COQ8A: variants seen among roughly 807,000 people sequenced by gnomAD.
COQ8A encodes the protein atypical kinase COQ8A, mitochondrial.
Under a neutral mutation model 65.0 loss-of-function variants are expected in COQ8A, and 51 were observed. The ratio of observed to expected loss-of-function variants is 0.78; its 90% confidence interval spans 0.63 to 0.99. The LOEUF is 0.99. Ranked by LOEUF, COQ8A falls within the 50% of genes least tolerant of loss-of-function variation. The pLI, the probability that COQ8A is intolerant of heterozygous loss-of-function variation, is 0.00. For synonymous variants in COQ8A, 371 were observed against 353.2 expected (o/e 1.05, Z -0.57); for missense variants, 940 against 875.0 (o/e 1.07, Z -0.94).
rs116517333 is a variant in COQ8A at position 226,977,804 on chromosome 1, T to C, written c.730+281T>C. Among the ~76,000 whole-genome samples the C allele has an allele frequency of 0.02, 3,081 of 151,826 alleles. 115 individuals are homozygous for C. Among genetic ancestry groups the C allele is most frequent in the African/African-American group, 0.071 (2,925 of 41,332 alleles). ...CACATCCACACGCCTTCTGCACACC[T>C]GGACACCTTACACACCCCCTGCACA... is the stretch of plus-strand genomic sequence containing the variant. On this transcript the variant is annotated intron_variant, in intron 5 of 14. Coordinates refer to ENST00000366777, the MANE Select transcript of COQ8A (RefSeq NM_020247.5).
chr1:226,983,049 G>A lies in COQ8A; in HGVS notation c.1080+15G>A. The A allele has an allele frequency of 1.3e-6, 2 of 1,574,408 alleles. No individual in the cohort carries two copies. Among genetic ancestry groups the A allele is most frequent in the Non-Finnish European group, 8.6e-7 (1 of 1,161,360 alleles). On this transcript the variant is annotated intron_variant, in intron 8 of 14. Coordinates refer to ENST00000366777, the MANE Select transcript of COQ8A (RefSeq NM_020247.5). ...TGAAGATCCAGGTAGGCGGCCTGAT[G>A]CGCAGTGCCTGTCCCTATGGGGGCT...
chr1:226,977,266 G>A, intron 4 of COQ8A, 183 bp from the exon 5 acceptor site: 1 of 598,592 alleles, frequency 1.7e-6, no homozygotes, highest in Admixed American at 2.8e-5. Flanking sequence ...CGAGCCAAAT[G>A]TTCTCTTAAA....
intron 2 of COQ8A, among the ~76,000 whole-genome samples, chr1:226,962,151 C>T (rs1658293672): frequency 6.6e-6 from 1 of 152,214 alleles, no homozygotes; most frequent in Non-Finnish European, 1.5e-5. Context: ...CCTGCTGAGC[C>T]TCCGCCAAGG....
At chr1:226,962,267 C>A (rs2148053911) in intron 2 of COQ8A, among the ~76,000 whole-genome samples, 1 of 152,208 alleles carries the variant, frequency 6.6e-6, no homozygotes, top group East Asian at 1.9e-4. Context: ...AGAACAGCTT[C>A]ATCTCCAGCC....
rs1410020011 is a variant in COQ8A at position 226,987,232 on chromosome 1, A to G, written c.*495A>G. ...CTGGAGCTGGGAGAGGTGCTGAGCTAACAGTGCCAACAAGTGCTCCTTAAG... is the reference window on the plus strand; with the variant it reads ...CTGGAGCTGGGAGAGGTGCTGAGCTGACAGTGCCAACAAGTGCTCCTTAAG... On this transcript the variant is annotated 3_prime_UTR_variant, in exon 15 of 15. Transcript: ENST00000366777. The G allele has an allele frequency of 1.1e-5, 2 of 179,060 alleles. No homozygotes were observed. The highest frequency in any genetic ancestry group is 4.8e-5 in the African/African-American group (2 of 41,886). 11.1% of individuals were successfully genotyped at this position (179,060 alleles called of 1,614,324 possible).
chr1:226,984,994 G>T, intron 13 of COQ8A, 53 bp downstream of exon 13: 1 of 1,595,134 alleles, frequency 6.3e-7, no homozygotes, highest in East Asian at 2.2e-5. Flanking sequence ...GGCTGGGACA[G>T]GATGCTGGGG....
At position 226,986,899 on chromosome 1, in the gene COQ8A, C is replaced by G; in HGVS notation, c.*162C>G. 1.2e-6 allele frequency: 1 copy of G among 861,302 alleles called. No homozygotes were observed. Among genetic ancestry groups the G allele is most frequent in the Non-Finnish European group, 1.8e-6 (1 of 557,468 alleles). 53.4% of individuals were successfully genotyped at this position (861,302 alleles called of 1,614,324 possible). ...CCAGCGCTTTCCACGGTTTCTGTTG[C>G]TAAATGGTTGTAGGGTGAGAAGTGC... is the stretch of plus-strand genomic sequence containing the variant. On this transcript the variant is annotated 3_prime_UTR_variant, in exon 15 of 15. Transcript: ENST00000366777.
At chr1:226,964,641 C>T (rs1401052290) in intron 2 of COQ8A, among the ~76,000 whole-genome samples, 2 of 152,138 alleles carry the variant, frequency 1.3e-5, no homozygotes, top group African/African-American at 4.8e-5. Flanking sequence ...CTTTCCCTGT[C>T]TTTTGCGCCC....
chr1:226,970,115 G>C (rs1340903398), intron 4 of COQ8A, among the ~76,000 whole-genome samples: 1 of 152,152 alleles, frequency 6.6e-6, no homozygotes, highest in Non-Finnish European at 1.5e-5. Flanking sequence ...GCCATGCCCG[G>C]CTAATTTTTG....
At chr1:226,968,010 A>T (rs1658664746) in intron 4 of COQ8A, among the ~76,000 whole-genome samples, 1 of 151,034 alleles carries the variant, frequency 6.6e-6, no homozygotes, top group Admixed American at 6.6e-5. Context: ...GTAGGTTATG[A>T]CCCTTTAGTA....
At position 226,983,599 on chromosome 1, in the gene COQ8A, G is replaced by A; in HGVS notation, c.1128G>A (p.Met376Ile). ...TCAACAGTGATGTCAACAACCTCAT[G>A]GCCGTGTTGAACATGAGCAACATGC... ...QSINSDVNNL[M>I]AVLNMSNMLP... The change falls in exon 9 of 15, where the codon ATG becomes ATA. Residue 376 changes from methionine to isoleucine, a missense_variant. By Grantham distance (10) the Met-to-Ile change is conservative (BLOSUM62 1). Transcript: ENST00000366777. 7 of 1,614,004 alleles carry A rather than the reference G, an allele frequency of 4.3e-6. No individual in the cohort carries two copies. The highest frequency in any genetic ancestry group is 5.9e-6 in the Non-Finnish European group (7 of 1,180,014).
intron 1 of COQ8A, among the ~76,000 whole-genome samples, chr1:226,940,906 A>C (rs1196681923): frequency 6.6e-6 from 1 of 152,130 alleles, no homozygotes; most frequent in African/African-American, 2.4e-5. Context: ...TGGGCTTCGC[A>C]GGTGGGAATT....
At position 226,965,097 on chromosome 1, in the gene COQ8A, A is replaced by T. The variant is rs779539797; in HGVS notation, c.275A>T (p.Asp92Val). 6 of 1,613,796 alleles carry T rather than the reference A, an allele frequency of 3.7e-6. No individual in the cohort carries two copies. In the East Asian group the frequency reaches 1.3e-4, roughly 36 times the overall value. ...SVPHAAGAST[D>V]FSSASAPDQS... ...CCGCATGCAGCCGGAGCCTCCACAG[A>T]CTTCTCTTCAGCCTCCGCTCCCGAC... The change falls in exon 3 of 15, where the codon GAC (aspartate) becomes GTC (valine). Residue 92 changes from aspartate (D) to valine (V), a missense_variant. By Grantham distance (152) the Asp-to-Val change is radical. Coordinates refer to ENST00000366777, the MANE Select transcript of COQ8A (RefSeq NM_020247.5).
intron 1 of COQ8A, among the ~76,000 whole-genome samples, chr1:226,950,712 A>G (rs4281295): frequency 0.038 from 5,712 of 152,050 alleles, 329 homozygotes; most frequent in African/African-American, 0.12. Context: ...AACATCTGTG[A>G]AACTGGTTTC....
At chr1:226,950,282 C>T (rs919618752) in intron 1 of COQ8A, among the ~76,000 whole-genome samples, 4 of 152,202 alleles carry the variant, frequency 2.6e-5, no homozygotes, top group African/African-American at 9.7e-5. Flanking sequence ...CCCAACCCTG[C>T]CCAGCTCCCA....
intron 1 of COQ8A, among the ~76,000 whole-genome samples, chr1:226,957,591 G>A (rs527652834): frequency 6.6e-6 from 1 of 152,252 alleles, no homozygotes; most frequent in South Asian, 2.1e-4. Flanking sequence ...TGTGAAGGGG[G>A]GACTTGGAGT....
intron 1 of COQ8A, among the ~76,000 whole-genome samples, chr1:226,960,809 T>G (rs1250555534): frequency 6.6e-6 from 1 of 152,076 alleles, no homozygotes; most frequent in African/African-American, 2.4e-5. Context: ...GCTCTGGTTG[T>G]CCCTTGGTCT....
intron 4 of COQ8A, among the ~76,000 whole-genome samples, chr1:226,966,820 G>C (rs140509429): frequency 6.6e-6 from 1 of 152,162 alleles, no homozygotes; most frequent in East Asian, 1.9e-4. Context: ...AGAGGCTCAC[G>C]TACTGTGCTC....
At position 226,983,826 on chromosome 1, in the gene COQ8A, C is replaced by G; in HGVS notation, c.1228C>G (p.Arg410Gly). 6.2e-7 allele frequency: 1 copy of G among 1,611,630 alleles called. No homozygotes were observed. The highest frequency in any genetic ancestry group is 1.1e-5 in the South Asian group (1 of 91,014). The change falls in exon 10 of 15, where the codon CGA (arginine) becomes GGA (glycine). Residue 410 changes from arginine to glycine, a missense_variant. Coordinates refer to ENST00000366777, the MANE Select transcript of COQ8A (RefSeq NM_020247.5). ...GCTGGCCCTGGAGTGTGACTACCAG[C>G]GAGAGGCCGCCTGTGCCCGCAAGTT... ...RELALECDYQ[R>G]EAACARKFRD... is the part of the protein sequence containing the mutation.
Sources: gnomAD v4.1 joint callset for allele counts (sites outside exome capture counted in the v4.1 genomes callset) on GRCh38, gnomAD v4.1.1 for gene constraint, MANE v1.5 for transcripts, NCBI Gene and HGNC (gene_info 2026-07-23, HGNC 2026-07-21) for gene names.